Variants in MYO5A observed in about 807,000 individuals in gnomAD.
MYO5A encodes myosin VA.
A neutral mutation model predicts 249.7 loss-of-function variants in MYO5A; 98 were observed. The ratio of observed to expected loss-of-function variants is 0.39; its 90% CI spans 0.33 to 0.46. The LOEUF (loss-of-function observed/expected upper bound fraction) is 0.46, where lower values mean the gene tolerates loss of function less well. MYO5A is among the 20% of genes least tolerant of loss of function. MYO5A has a pLI of 0.98. For missense variants in MYO5A, 1,696 were observed against 2,308.8 expected, an observed-to-expected ratio of 0.73 and a Z score of 5.44; for synonymous variants, 778 against 810.6, an observed-to-expected ratio of 0.96 and a Z score of 0.68.
intron 1 of MYO5A, among the ~76,000 whole-genome samples, chr15:52,445,796 G>A (rs2075877080): frequency 6.6e-6 from 1 of 152,230 alleles, no homozygotes; most frequent in South Asian, 2.1e-4. Flanking sequence ...TAGGGGATCT[G>A]TGGAACTGAA....
At chr15:52,390,098 C>T (rs1359218289) in intron 12 of MYO5A, among the ~76,000 whole-genome samples, 1 of 151,996 alleles carries the variant, frequency 6.6e-6, no homozygotes, top group African/African-American at 2.4e-5. Flanking sequence ...AGCAATTGAA[C>T]CTATGAAGAT....
At chr15:52,355,818 G>A (rs1000781312) in intron 25 of MYO5A, among the ~76,000 whole-genome samples, 1 of 152,134 alleles carries the variant, frequency 6.6e-6, no homozygotes, top group East Asian at 1.9e-4. Flanking sequence ...TTAGATTTTG[G>A]TATTCATGAA....
chr15:52,337,271 A>G (rs1326018436), intron 33 of MYO5A, among the ~76,000 whole-genome samples: 2 of 152,230 alleles, frequency 1.3e-5, no homozygotes, highest in Admixed American at 1.3e-4. Flanking sequence ...GGTAAAAAAA[A>G]GTCCATGATT....
Position 52,497,989 on chromosome 15 carries a change from T to C in MYO5A, c.27+30791A>G, listed in dbSNP as rs1353296165. Among the ~76,000 whole-genome samples the C allele has an allele frequency of 3.3e-5, 5 of 152,050 alleles. No homozygotes were observed. In the South Asian group the frequency reaches 6.2e-4, roughly 19 times the overall value. ...AAATTTACATCCTTAAATCATATAT[T>C]AGAAGCAAAGAAAGGCTGAAAAGCA... On this transcript the variant is annotated intron_variant, in intron 1 of 41. Coordinates refer to ENST00000399233, the MANE Select transcript of MYO5A (RefSeq NM_001382347.1).
rs901204457 is a variant in MYO5A, at chr15:52,308,166, G to C, written c.*5530C>G. The C allele has an allele frequency of 6.6e-6, 1 of 152,136 alleles. No homozygotes were observed. The highest frequency in any genetic ancestry group is 2.4e-5 in the African/African-American group (1 of 41,424). 9.4% of individuals were successfully genotyped at this position (152,136 alleles called of 1,614,324 possible). A position where few individuals can be genotyped will look rare whatever the true frequency, so the allele number is the denominator to read the frequency against. On this transcript the variant is annotated 3_prime_UTR_variant, in exon 42 of 42. Transcript: ENST00000399233. ...GCATTACAATACTGAGGAAACGTTA[G>C]TCATATGAATCCAATAACGCCCATT...
chr15:52,440,695 G>A (rs1595689152), intron 1 of MYO5A, among the ~76,000 whole-genome samples: 1 of 152,088 alleles, frequency 6.6e-6, no homozygotes, highest in Non-Finnish European at 1.5e-5. Flanking sequence ...TGAGGGTGTG[G>A]GCACCAAAAG....
At chr15:52,316,233 C>CAAAAAAAATAA (rs2038007116) in intron 40 of MYO5A, among the ~76,000 whole-genome samples, 1 of 60,348 alleles carries the variant, frequency 1.7e-5, no homozygotes, top group Non-Finnish European at 2.9e-5. Flanking sequence ...GACTCCGTCA[C>CAAAAAAAATAA]AAAAAAAAAA....
chr15:52,369,100 T>G (rs542328095), intron 22 of MYO5A, among the ~76,000 whole-genome samples: 39 of 152,208 alleles, frequency 2.6e-4, no homozygotes, highest in African/African-American at 8.4e-4. Flanking sequence ...TTTCTATATA[T>G]AGAGTACAGA....
intron 1 of MYO5A, among the ~76,000 whole-genome samples, chr15:52,506,126 C>A (rs1380900528): frequency 1.3e-5 from 2 of 151,970 alleles, no homozygotes; most frequent in African/African-American, 4.8e-5. Context: ...CCGAGGCAGG[C>A]AGATCACGAG....
chr15:52,487,182 A>G (rs1335516909), intron 1 of MYO5A, among the ~76,000 whole-genome samples: 1 of 152,166 alleles, frequency 6.6e-6, no homozygotes, highest in East Asian at 1.9e-4. Flanking sequence ...CTGGGAGGCC[A>G]GGGTGGGAGG....
In MYO5A at chr15:52,376,401, A is replaced by G. The variant is rs1428943157; in HGVS notation, c.2366T>C (p.Met789Thr). 1 of 1,614,136 alleles carries G rather than the reference A, an allele frequency of 6.2e-7. No individual in the cohort carries two copies. The highest frequency in any genetic ancestry group is 1.7e-5 in the Admixed American group (1 of 60,018). Residue 789 changes from methionine to threonine, a missense_variant, in exon 19 of 42, where the codon ATG (methionine) becomes ACG (threonine). Physicochemically the swap from Met to Thr is moderately conservative, Grantham distance 81. Around this residue, in one of 5 missense-constraint regions of MYO5A, gnomAD observed 412 missense variants for 453.3 expected, o/e 0.91. Transcript: ENST00000399233. ...GWLLRKKYLR[M>T]RKAAITMQRY... ...CTGCATGGTGATGGCTGCCTTCCGC[A>G]TGCGTAGGTACTTCTTTCTCAGCAG...
intron 31 of MYO5A, among the ~76,000 whole-genome samples, chr15:52,341,694 A>C (rs2039390099): frequency 6.6e-6 from 1 of 152,008 alleles, no homozygotes; most frequent in African/African-American, 2.4e-5. Context: ...TTTCAAAAAG[A>C]TCTGCAGCAA....
At chr15:52,323,564 T>C in intron 36 of MYO5A, 120 bp from the exon 37 acceptor site, 1 of 730,010 alleles carries the variant, frequency 1.4e-6, no homozygotes, top group Admixed American at 2.1e-5. Context: ...ATTATAAAAA[T>C]AAATCACATT....
chr15:52,323,318 G>T (rs371582681), intron 37 of MYO5A, 37 bp downstream of exon 37: 2 of 1,545,632 alleles, frequency 1.3e-6, no homozygotes, highest in Admixed American at 1.7e-5. Flanking sequence ...GTCAGAGAAA[G>T]TATAGCATGC....
chr15:52,326,861 T>A (rs1231161799), intron 36 of MYO5A, among the ~76,000 whole-genome samples: 1 of 152,216 alleles, frequency 6.6e-6, no homozygotes, highest in African/African-American at 2.4e-5. Flanking sequence ...CTGGAACATA[T>A]GATCTTAGCT....
At chr15:52,521,294 C>T (rs1340521147) in intron 1 of MYO5A, among the ~76,000 whole-genome samples, 6 of 151,702 alleles carry the variant, frequency 4.0e-5, no homozygotes, top group African/African-American at 1.2e-4. Flanking sequence ...CTAGAGAGTT[C>T]GACACCTTTA....
chr15:52,364,018 C>G (rs1331322995), intron 24 of MYO5A, among the ~76,000 whole-genome samples: 5 of 152,172 alleles, frequency 3.3e-5, no homozygotes, highest in Non-Finnish European at 7.3e-5. Context: ...GTGGGTAGAT[C>G]ATGAGGTCAA....
intron 1 of MYO5A, among the ~76,000 whole-genome samples, chr15:52,451,773 C>T (rs2076025254): frequency 6.6e-6 from 1 of 152,194 alleles, no homozygotes; most frequent in African/African-American, 2.4e-5. Flanking sequence ...TCCTTCACAT[C>T]TTAAGTTTTA....
chr15:52,337,366 G>T (rs191282943), intron 33 of MYO5A, among the ~76,000 whole-genome samples: 15 of 152,338 alleles, frequency 9.8e-5, no homozygotes, highest in Admixed American at 3.3e-4. Flanking sequence ...AGTAGGCTCA[G>T]TAACAGCTTA....
Sources: allele counts gnomAD v4.1 joint callset (sites outside exome capture counted in the v4.1 genomes callset), GRCh38; gene constraint gnomAD v4.1.1; regional missense constraint gnomAD v4.1.1; transcripts MANE v1.5; gene names NCBI Gene and HGNC (gene_info 2026-07-23, HGNC 2026-07-21).